Variants in PIK3R2 observed in about 807,000 individuals in gnomAD.
PIK3R2 encodes the protein phosphatidylinositol 3-kinase regulatory subunit beta.
A neutral mutation model predicts 78.5 loss-of-function variants in PIK3R2; 40 were observed. That is an observed-to-expected ratio of 0.51 (90% CI 0.40 to 0.66). The LOEUF is 0.66. Among genes scored for constraint, PIK3R2 ranks in the 30% least tolerant of loss-of-function variants. The probability of loss-of-function intolerance (pLI) is 0.00; values close to 1 mark genes in which losing one functional copy is unlikely to be tolerated. For synonymous variants in PIK3R2, 473 were observed against 457.7 expected, an observed-to-expected ratio of 1.03 and a Z score of -0.43; for missense variants, 880 against 1,026.6, an observed-to-expected ratio of 0.86 and a Z score of 1.95.
Position 18,166,322 on chromosome 19 carries a change from C to T in PIK3R2, c.1559+20C>T, listed in dbSNP as rs747871333. On this transcript the variant is annotated intron_variant, in intron 12 of 15. Transcript: ENST00000222254. Reference sequence around the variant, plus strand: ...GCAAAGGTGAGTCTGGCGCCTCTGCCCTGCCCCACCCCACCCTGATCTGGT... The same window carrying T: ...GCAAAGGTGAGTCTGGCGCCTCTGCTCTGCCCCACCCCACCCTGATCTGGT... 5.0e-6 allele frequency: 8 copies of T among 1,603,872 alleles called. No individual in the cohort carries two copies. Among genetic ancestry groups the T allele is most frequent in the Non-Finnish European group, 6.0e-6 (7 of 1,171,426 alleles).
chr19:18,163,924 C>A (rs1045607148), intron 11 of PIK3R2, among the ~76,000 whole-genome samples: 5 of 151,906 alleles, frequency 3.3e-5, no homozygotes, highest in African/African-American at 1.2e-4. Context: ...GTCAGGAGTT[C>A]GAGACCAACT....
intron 11 of PIK3R2, 28 bp downstream of exon 11, chr19:18,163,416 A>G: frequency 6.2e-7 from 1 of 1,613,292 alleles, no homozygotes; most frequent in African/African-American, 1.3e-5. Flanking sequence ...CATGAGGGAA[A>G]CCGAGACATA....
rs113821701 is a variant in PIK3R2, at chr19:18,169,059, C to T, written c.1980-28C>T. ...AAGCTTGGCGGGGAGGCCAGCCTTC[C>T]GACTCCCCCTCTCGTCTGCCCCCAC... On this transcript the variant is annotated intron_variant, in intron 15 of 15. Transcript: ENST00000222254. 1,014 of 1,594,424 alleles carry T rather than the reference C, an allele frequency of 6.4e-4. 8 individuals carry two copies. The African/African-American group carries it at 0.012, about 19-fold the overall frequency.
In PIK3R2 at chr19:18,156,519, C is replaced by CT. The variant is rs2043681185; in HGVS notation, c.322+319dup. 6.6e-6 allele frequency among the ~76,000 whole-genome samples: 1 copy of CT among 152,072 alleles called. No homozygotes were observed. The highest frequency in any genetic ancestry group is 2.1e-4 in the South Asian group (1 of 4,828). On this transcript the variant is annotated intron_variant, in intron 2 of 15. Transcript: ENST00000222254. This position sits in a 1 kb window ranked among gnomAD's most constrained non-coding sequence, Gnocchi z 4.2. ...AGGGCAGAGGCTGTGGAGTAGAACT[C>CT]TAATGGCGGGAACGGCCAGCAGGAG...
intron 9 of PIK3R2, 79 bp downstream of exon 9, chr19:18,162,585 C>T (rs756673357): frequency 8.8e-5 from 113 of 1,281,718 alleles, no homozygotes; most frequent in Non-Finnish European, 1.2e-4. Context: ...AGAACATGTG[C>T]GGTTTCAAGA....
rs1221464750 is a variant in PIK3R2 at position 18,167,219 on chromosome 19, C to T, written c.1649C>T (p.Ala550Val). The T allele has an allele frequency of 6.2e-7, 1 of 1,611,940 alleles. No homozygotes were observed. The highest frequency in any genetic ancestry group is 8.5e-7 in the Non-Finnish European group (1 of 1,179,214). The change falls in exon 13 of 16, where the codon GCC (alanine) becomes GTC (valine). Residue 550 changes from alanine to valine, a missense_variant. This residue lies in a region of PIK3R2 where 268 missense variants were observed against 299.1 expected (regional missense o/e 0.90). Coordinates refer to ENST00000222254, the MANE Select transcript of PIK3R2 (RefSeq NM_005027.4). The surrounding 1 kb of genome is among the most constrained non-coding windows in gnomAD (Gnocchi z 4.5). ...TKLEQQLRAQ[A>V]SDNREIDKRM... is the part of the protein sequence containing the mutation. ...CTGGAGCAGCAGCTGCGGGCCCAGG[C>T]CTCGGACAACAGAGAGATCGACAAG...
chr19:18,154,588 AG>A (rs1420090072), intron 1 of PIK3R2, among the ~76,000 whole-genome samples: 20 of 152,056 alleles, frequency 1.3e-4, no homozygotes, highest in African/African-American at 4.8e-4. Flanking sequence ...GAGCTCCCAA[AG>A]CACCCGGAGT....
intron 9 of PIK3R2, 134 bp downstream of exon 9, chr19:18,162,640 T>C: frequency 1.3e-6 from 1 of 743,638 alleles, no homozygotes; most frequent in Non-Finnish European, 2.2e-6. Context: ...TCCCAGCACT[T>C]TGGGAGGCTG....
rs989674539 is a variant in PIK3R2, at chr19:18,161,324, C to G, written c.644C>G (p.Pro215Arg). Reference protein sequence around the residue: ...VGPALEPPTLPLHRALTLRFL... With the variant: ...VGPALEPPTLRLHRALTLRFL... ...CCGGCGCTGGAGCCACCGACGCTGC[C>G]GCTGCACCGCGCGCTCACGCTGCGC... The change falls in exon 6 of 16, where the codon CCG becomes CGG. Residue 215 changes from proline (P) to arginine (R), a missense_variant. Pro to Arg is a moderately radical substitution (Grantham distance 103). Around this residue, in one of 3 missense-constraint regions of PIK3R2, gnomAD observed 456 missense variants for 486.6 expected, o/e 0.94. Transcript: ENST00000222254. This position sits in a 1 kb window ranked among gnomAD's most constrained non-coding sequence, Gnocchi z 5.3. The G allele has an allele frequency of 1.5e-6, 2 of 1,331,482 alleles. No homozygotes were observed. The highest frequency in any genetic ancestry group is 3.1e-5 in the African/African-American group (2 of 64,468). The allele number at this position is 1,331,482 out of a possible 1,614,324, so 82.5% of individuals were successfully genotyped here.
chr19:18,167,246 G>T lies in PIK3R2; in HGVS notation c.1676G>T (p.Arg559Leu). The T allele has an allele frequency of 6.2e-7, 1 of 1,612,440 alleles. No homozygotes were observed. Among genetic ancestry groups the T allele is most frequent in the African/African-American group, 1.3e-5 (1 of 74,858 alleles). ...TCGGACAACAGAGAGATCGACAAGC[G>T]CATGAACAGCCTCAAGCCGGACCTC... is the stretch of plus-strand genomic sequence containing the variant. ...QASDNREIDK[R>L]MNSLKPDLMQ... The change falls in exon 13 of 16, where the codon CGC (arginine) becomes CTC (leucine). Residue 559 changes from arginine to leucine, a missense_variant. Coordinates refer to ENST00000222254, the MANE Select transcript of PIK3R2 (RefSeq NM_005027.4). This position sits in a 1 kb window ranked among gnomAD's most constrained non-coding sequence, Gnocchi z 4.5.
At chr19:18,164,958 T>G (rs1372086338) in intron 11 of PIK3R2, among the ~76,000 whole-genome samples, 1 of 147,446 alleles carries the variant, frequency 6.8e-6, no homozygotes, top group Non-Finnish European at 1.5e-5. Flanking sequence ...CCGGGCACAG[T>G]GACTCATGCC....
At chr19:18,158,516 C>A (rs10418210) in intron 2 of PIK3R2, among the ~76,000 whole-genome samples, 135,510 of 147,306 alleles carry the variant, frequency 0.92, 62,405 homozygotes, top group Non-Finnish European at 0.95. Context: ...ACAACAACAA[C>A]AAAAAACGAG....
chr19:18,162,927 C>A, intron 9 of PIK3R2, 40 bp from the exon 10 acceptor site: 2 of 1,582,006 alleles, frequency 1.3e-6, no homozygotes, highest in Non-Finnish European at 8.7e-7. Context: ...GGGTCAGGTG[C>A]GGGGTCCCAC....
chr19:18,160,005 C>T (rs1182130270), intron 2 of PIK3R2, among the ~76,000 whole-genome samples: 1 of 152,204 alleles, frequency 6.6e-6, no homozygotes, highest in Non-Finnish European at 1.5e-5. Flanking sequence ...TCCCAAAGTG[C>T]TGGGATTCCA....
intron 3 of PIK3R2, 46 bp from the exon 4 acceptor site, chr19:18,160,873 C>CG: frequency 6.3e-7 from 1 of 1,575,792 alleles, no homozygotes; most frequent in South Asian, 1.2e-5. Context: ...CTCACGAGGT[C>CG]GGGGCAGCAT....
rs1472454578 is a variant in PIK3R2 at position 18,156,146 on chromosome 19, C to T, written c.267C>T (p.Arg89=). ...TGGCCCTGGCCCGGCCCGGCCCTCG[C>T]CCACGGGGCCCCCGCCCACTGCCCG... is the stretch of plus-strand genomic sequence containing the variant. ...GPVALARPGP[R]PRGPRPLPAR... Residue 89 remains arginine (R), a synonymous_variant, in exon 2 of 16, where the codon CGC becomes CGT. Transcript: ENST00000222254. This position sits in a 1 kb window ranked among gnomAD's most constrained non-coding sequence, Gnocchi z 4.2. The T allele has an allele frequency of 6.8e-7, 1 of 1,467,788 alleles. No homozygotes were observed. The highest frequency in any genetic ancestry group is 9.0e-7 in the Non-Finnish European group (1 of 1,113,284). The allele number at this position is 1,467,788 out of a possible 1,614,324, so 90.9% of individuals were successfully genotyped here.
intron 11 of PIK3R2, 57 bp downstream of exon 11, chr19:18,163,445 C>A: frequency 6.2e-7 from 1 of 1,603,064 alleles, no homozygotes; most frequent in Non-Finnish European, 8.5e-7. Context: ...GTGGCAAGGC[C>A]GGGAGCAGGA....
intron 2 of PIK3R2, among the ~76,000 whole-genome samples, chr19:18,157,377 G>A (rs1366207680): frequency 1.3e-5 from 2 of 151,704 alleles, no homozygotes; most frequent in Admixed American, 1.3e-4. Context: ...CCCCACGTGG[G>A]GCGGCTGCCC....
At position 18,161,390 on chromosome 19, in the gene PIK3R2, C is replaced by CGGCCCTGGGTCCCGCGGTCCG. The variant is rs2043743911; in HGVS notation, c.720_740dup (p.Pro241_Gly247dup). ...CTGGGCCGCGTGGCCAGCCGCGCCC[C>CGGCCCTGGGTCCCGCGGTCCG]GGCCCTGGGTCCCGCGGTCCGGGCC... On this transcript the variant is annotated inframe_insertion, in exon 6 of 16. Coordinates refer to ENST00000222254, the MANE Select transcript of PIK3R2 (RefSeq NM_005027.4). This position sits in a 1 kb window ranked among gnomAD's most constrained non-coding sequence, Gnocchi z 5.3. The CGGCCCTGGGTCCCGCGGTCCG allele has an allele frequency of 3.2e-6, 4 of 1,233,734 alleles. No individual in the cohort carries two copies. The African/African-American group carries it at 6.4e-5, about 20-fold the overall frequency. 76.4% of individuals were successfully genotyped at this position (1,233,734 alleles called of 1,614,324 possible).
Sources: allele counts gnomAD v4.1 joint callset (sites outside exome capture counted in the v4.1 genomes callset), GRCh38; gene constraint gnomAD v4.1.1; regional missense constraint gnomAD v4.1.1; non-coding constraint Gnocchi (gnomAD v3.1); transcripts MANE v1.5; gene names NCBI Gene and HGNC (gene_info 2026-07-23, HGNC 2026-07-21).